RALYL: variants seen among roughly 807,000 people sequenced by gnomAD.
RALYL encodes RNA-binding Raly-like protein.
A neutral mutation model predicts 35.1 loss-of-function variants in RALYL; 29 were observed. The observed-to-expected ratio is 0.83, with a 90% CI of 0.61 to 1.13. RALYL has a LOEUF of 1.13. Among genes scored for constraint, RALYL ranks in the 50% most tolerant of loss-of-function variants. The pLI is 0.00. For missense variants in RALYL, 359 were observed against 360.4 expected (o/e 1.00, Z 0.03); for synonymous variants, 120 against 127.6 (o/e 0.94, Z 0.40).
intron 4 of RALYL, among the ~76,000 whole-genome samples, chr8:84,840,450 A>G (rs937077526): frequency 6.6e-6 from 1 of 152,246 alleles, no homozygotes; most frequent in Non-Finnish European, 1.5e-5. Flanking sequence ...AAAGCCTCCA[A>G]GTAATATGGG....
At chr8:84,416,695 T>C (rs776509439) in intron 1 of RALYL, among the ~76,000 whole-genome samples, 1 of 152,214 alleles carries the variant, frequency 6.6e-6, no homozygotes, top group Non-Finnish European at 1.5e-5. Context: ...TGTCTTATTA[T>C]GGCAGTCTCA....
chr8:84,271,466 TTG>T lies in RALYL; in HGVS notation c.-24+87066_-24+87067del, dbSNP rs60994368. ...ATCTAGTAGCCACTTTAGAAAATAG[TTG>T]TGTGTGTGTGTGTGTGTGTGTGTTT... On this transcript the variant is annotated intron_variant, in intron 1 of 8. Transcript: ENST00000521268. Among the ~76,000 whole-genome samples, 1,138 of 143,442 alleles carry T rather than the reference TTG, an allele frequency of 7.9e-3. 20 individuals carry two copies. The highest frequency in any genetic ancestry group is 0.028 in the African/African-American group (1,068 of 38,600). The allele number at this position is 143,442 out of a possible 152,430, so 94.1% of individuals were successfully genotyped here.
intron 1 of RALYL, among the ~76,000 whole-genome samples, chr8:84,484,825 A>C (rs1413717222): frequency 6.6e-6 from 1 of 152,184 alleles, no homozygotes; most frequent in East Asian, 1.9e-4. Flanking sequence ...ACTAAACAAG[A>C]AACTAGCTTT....
chr8:84,504,239 A>G (rs2056967272), intron 1 of RALYL, among the ~76,000 whole-genome samples: 1 of 152,172 alleles, frequency 6.6e-6, no homozygotes, highest in African/African-American at 2.4e-5. Context: ...AATATGTTTA[A>G]TAGAAGAATA....
At chr8:84,196,276 G>A (rs531577775) in intron 1 of RALYL, among the ~76,000 whole-genome samples, 48 of 152,230 alleles carry the variant, frequency 3.2e-4, no homozygotes, top group East Asian at 1.4e-3. Context: ...AAAGGGAAGC[G>A]TGGAAGAGGG....
chr8:84,765,277 A>G (rs1813646626), intron 2 of RALYL, among the ~76,000 whole-genome samples: 1 of 152,172 alleles, frequency 6.6e-6, no homozygotes, highest in African/African-American at 2.4e-5. Flanking sequence ...AGAAGGTGTG[A>G]CATTCAAAAT....
intron 1 of RALYL, among the ~76,000 whole-genome samples, chr8:84,198,518 A>G (rs529491385): frequency 3.5e-4 from 54 of 152,262 alleles, no homozygotes; most frequent in Admixed American, 9.8e-4. Context: ...AAACAATCCA[A>G]TGATACCCTT....
intron 2 of RALYL, among the ~76,000 whole-genome samples, chr8:84,535,285 C>T (rs1411098990): frequency 6.6e-6 from 1 of 152,152 alleles, no homozygotes; most frequent in Non-Finnish European, 1.5e-5. Flanking sequence ...TTTACTATTT[C>T]TCTTTCCAGA....
intron 1 of RALYL, among the ~76,000 whole-genome samples, chr8:84,431,918 G>T (rs1292633261): frequency 6.6e-6 from 1 of 152,120 alleles, no homozygotes. Flanking sequence ...TGGGGGGATT[G>T]CTGGATAATA....
intron 3 of RALYL, among the ~76,000 whole-genome samples, chr8:84,799,461 A>G (rs1233484901): frequency 6.6e-6 from 1 of 152,244 alleles, no homozygotes. Context: ...AATGGATCAT[A>G]TAAAAGTTGA....
At chr8:84,429,116 G>A (rs1008822054) in intron 1 of RALYL, among the ~76,000 whole-genome samples, 2 of 152,100 alleles carry the variant, frequency 1.3e-5, no homozygotes, top group African/African-American at 4.8e-5. Flanking sequence ...TGAGTGAGAG[G>A]TACTAGGAAG....
intron 1 of RALYL, among the ~76,000 whole-genome samples, chr8:84,437,467 C>G (rs1455932038): frequency 6.6e-6 from 1 of 152,134 alleles, no homozygotes; most frequent in Non-Finnish European, 1.5e-5. Flanking sequence ...ACTTACATTC[C>G]CATCAACAGC....
rs1230780862 is a variant in RALYL at position 84,616,760 on chromosome 8, A to AT, written c.256+87188dup. ...TAAGTCTTTAATCCATCTTGAATTG[A>AT]TTTTTGTATAAGGTGTAAGGAAGGG... On this transcript the variant is annotated intron_variant, in intron 2 of 8. Transcript: ENST00000521268. Among the ~76,000 whole-genome samples the AT allele has an allele frequency of 2.8e-3, 418 of 151,684 alleles. 10 individuals carry two copies. The highest frequency in any genetic ancestry group is 8.9e-3 in the African/African-American group (365 of 41,108).
At chr8:84,836,410 G>T (rs561743282) in intron 4 of RALYL, among the ~76,000 whole-genome samples, 3 of 152,276 alleles carry the variant, frequency 2.0e-5, no homozygotes, top group African/African-American at 7.2e-5. Context: ...GGAACTCTGT[G>T]AAGATATCAT....
rs79656153 is a variant in RALYL, at chr8:84,520,113, G to A, written c.-23-9186G>A. Among the ~76,000 whole-genome samples, 25 of 152,214 alleles carry A rather than the reference G, an allele frequency of 1.6e-4. No individual in the cohort carries two copies. The East Asian group carries it at 2.7e-3, about 16-fold the overall frequency. ...ACTGACCTTGACTGATCTATTTCCC[G>A]CAGTAAAACAAAACAAAAAGTCTAA... On this transcript the variant is annotated intron_variant, in intron 1 of 8. Transcript: ENST00000521268.
chr8:84,633,752 A>G (rs1824435830), intron 2 of RALYL, among the ~76,000 whole-genome samples: 1 of 151,860 alleles, frequency 6.6e-6, no homozygotes, highest in Admixed American at 6.6e-5. Context: ...TAAATTAGGA[A>G]AAATGTGTAT....
chr8:84,866,363 TA>T lies in RALYL; in HGVS notation c.571+3911del, dbSNP rs1839173893. On this transcript the variant is annotated intron_variant, in intron 6 of 8. Coordinates refer to ENST00000521268, the MANE Select transcript of RALYL (RefSeq NM_173848.7). Reference sequence around the variant, plus strand: ...ATTTCTACCTGGAAATTGAAAATAATATACTGTGTATCCAATAGTTATTGTA... The same window carrying T: ...ATTTCTACCTGGAAATTGAAAATAATTACTGTGTATCCAATAGTTATTGTA... Among the ~76,000 whole-genome samples the T allele has an allele frequency of 5.9e-5, 9 of 152,334 alleles. 1 individual carries two copies. The highest frequency in any genetic ancestry group is 5.9e-4 in the Admixed American group (9 of 15,300).
intron 3 of RALYL, among the ~76,000 whole-genome samples, chr8:84,791,108 G>A (rs922938193): frequency 1.3e-5 from 2 of 152,168 alleles, no homozygotes; most frequent in Non-Finnish European, 2.9e-5. Context: ...GGTAGTAGAT[G>A]TTATAGAAAA....
At chr8:84,765,842 A>G (rs2133432519) in intron 2 of RALYL, among the ~76,000 whole-genome samples, 1 of 151,944 alleles carries the variant, frequency 6.6e-6, no homozygotes, top group South Asian at 2.1e-4. Context: ...GATGAGGAAA[A>G]AAAAAAAACC....
Sources: allele counts gnomAD v4.1 joint callset (sites outside exome capture counted in the v4.1 genomes callset), GRCh38; gene constraint gnomAD v4.1.1; transcripts MANE v1.5; gene names NCBI Gene and HGNC (gene_info 2026-07-23, HGNC 2026-07-21).